ZNF655: variants seen among roughly 807,000 people sequenced by gnomAD.
The protein encoded by ZNF655 is zinc finger protein 655, also known as Vav-interacting Kruppel-like protein 1.
Under a neutral mutation model 6.6 loss-of-function variants are expected in ZNF655, and 3 were observed. The ratio of observed to expected loss-of-function variants is 0.46; its 90% CI spans 0.21 to 1.18. ZNF655 has a LOEUF of 1.18. Ranked by LOEUF, ZNF655 falls within the 50% of genes most tolerant of loss-of-function variation. The pLI, the probability that ZNF655 is intolerant of heterozygous loss-of-function variation, is 0.24. For synonymous variants in ZNF655, 178 were observed against 195.0 expected, an observed-to-expected ratio of 0.91 and a Z score of 0.73; for missense variants, 526 against 572.3, an observed-to-expected ratio of 0.92 and a Z score of 0.83.
At chr7:99,561,595 C>T (rs1251833848) in intron 2 of ZNF655, among the ~76,000 whole-genome samples, 1 of 152,192 alleles carries the variant, frequency 6.6e-6, no homozygotes, top group Non-Finnish European at 1.5e-5. Flanking sequence ...CTTTGCCCAT[C>T]TGCAAAACAG....
intron 2 of ZNF655, 140 bp from the exon 3 acceptor site, chr7:99,572,104 AT>A: frequency 1.1e-6 from 1 of 892,024 alleles, no homozygotes; most frequent in Admixed American, 3.1e-5. Flanking sequence ...TGCTGTTGAG[AT>A]TTTGTGCCTG....
At chr7:99,561,214 C>T (rs1161054061) in intron 2 of ZNF655, among the ~76,000 whole-genome samples, 2 of 152,214 alleles carry the variant, frequency 1.3e-5, no homozygotes, top group Admixed American at 6.5e-5. Flanking sequence ...TGTATATATA[C>T]TGTATTTTGA....
At chr7:99,561,027 G>A (rs1010160221) in intron 2 of ZNF655, 1 of 180,308 alleles carries the variant, frequency 5.5e-6, no homozygotes, top group East Asian at 1.5e-4. Context: ...GTCCTTTCCT[G>A]GCTCTCACTT....
At chr7:99,563,609 C>T (rs1008230622) in intron 2 of ZNF655, among the ~76,000 whole-genome samples, 3 of 152,152 alleles carry the variant, frequency 2.0e-5, no homozygotes, top group African/African-American at 7.2e-5. Context: ...TGAGCCACCG[C>T]ACCCAGCCTC....
intron 2 of ZNF655, chr7:99,571,492 C>G (rs1804065752): frequency 1.6e-6 from 2 of 1,227,078 alleles, no homozygotes; most frequent in South Asian, 3.2e-5. Context: ...ATCAACTTGC[C>G]CCTTAACACA....
At chr7:99,560,242 G>T (rs890132873) in intron 1 of ZNF655, among the ~76,000 whole-genome samples, 6 of 151,452 alleles carry the variant, frequency 4.0e-5, no homozygotes, top group Admixed American at 4.0e-4. Context: ...GCACCACCAC[G>T]CTGGCTAATT....
Position 99,572,749 on chromosome 7 carries a change from G to A in ZNF655, c.641G>A (p.Cys214Tyr). 1 of 1,613,168 alleles carries A rather than the reference G, an allele frequency of 6.2e-7. No individual in the cohort carries two copies. Among genetic ancestry groups the A allele is most frequent in the South Asian group, 1.1e-5 (1 of 91,026 alleles). ...SIPNTEKSYK[C>Y]DVCGKIFHQS... ...CCTAACACTGAGAAATCCTATAAAT[G>A]TGATGTATGTGGGAAAATTTTCCAT... Residue 214 changes from cysteine to tyrosine, a missense_variant, in exon 3 of 3, where the codon TGT (cysteine) becomes TAT (tyrosine). Transcript: ENST00000252713.
chr7:99,562,384 A>G, intron 2 of ZNF655: 1 of 1,614,122 alleles, frequency 6.2e-7, no homozygotes, highest in Non-Finnish European at 8.5e-7. Context: ...GTGACATTCG[A>G]GGATGTGGCT....
At chr7:99,566,922 A>C (rs1202053181) in intron 2 of ZNF655, among the ~76,000 whole-genome samples, 4 of 152,128 alleles carry the variant, frequency 2.6e-5, no homozygotes, top group Admixed American at 2.6e-4. Context: ...AGATTTAAAT[A>C]AAATAATTTT....
In ZNF655 at chr7:99,574,054, C is replaced by G. The variant is rs1804264644; in HGVS notation, c.*470C>G. 1 of 156,454 alleles carries G rather than the reference C, an allele frequency of 6.4e-6. No homozygotes were observed. The highest frequency in any genetic ancestry group is 1.4e-5 in the Non-Finnish European group (1 of 70,558). The allele number at this position is 156,454 out of a possible 1,614,324, so 9.7% of individuals were successfully genotyped here. ...ATTCAGTCATAACCCAACGCTCATT[C>G]AACATCAAAGAATTTATACCTAAGA... On this transcript the variant is annotated 3_prime_UTR_variant, in exon 3 of 3. Coordinates refer to ENST00000252713, the MANE Select transcript of ZNF655 (RefSeq NM_138494.3).
intron 2 of ZNF655, chr7:99,563,188 G>C (rs991929692): frequency 4.4e-6 from 2 of 455,540 alleles, no homozygotes. Context: ...ATTTTGAAAG[G>C]TACAGTGGGA....
intron 2 of ZNF655, chr7:99,562,194 G>A (rs1477882882): frequency 1.2e-6 from 1 of 831,440 alleles, no homozygotes. Flanking sequence ...ATGGTTGTGT[G>A]ATGGGTGCTT....
At chr7:99,564,596 GC>G (rs1421517354) in intron 2 of ZNF655, 3 of 985,298 alleles carry the variant, frequency 3.0e-6, no homozygotes, top group Non-Finnish European at 3.6e-6. Flanking sequence ...TTATTTCAGG[GC>G]ATCAAATTGA....
chr7:99,561,949 T>A, intron 2 of ZNF655: 1 of 1,596,374 alleles, frequency 6.3e-7, no homozygotes, highest in Non-Finnish European at 8.5e-7. Flanking sequence ...ACCAGGCAGC[T>A]GCGCTCTTGA....
intron 2 of ZNF655, among the ~76,000 whole-genome samples, chr7:99,566,031 G>T (rs1803601863): frequency 6.6e-6 from 1 of 151,622 alleles, no homozygotes; most frequent in Non-Finnish European, 1.5e-5. Flanking sequence ...ATGTGTGTGT[G>T]TGTGTGTGTG....
At chr7:99,570,247 C>T (rs922335766) in intron 2 of ZNF655, 5 of 152,124 alleles carry the variant, frequency 3.3e-5, no homozygotes, top group Non-Finnish European at 7.4e-5. Flanking sequence ...ATTCTGAGAA[C>T]AATATTGATT....
At chr7:99,560,438 C>A in intron 1 of ZNF655, 95 bp from the exon 2 acceptor site, 1 of 1,223,638 alleles carries the variant, frequency 8.2e-7, no homozygotes, top group African/African-American at 1.5e-5. Flanking sequence ...TATTGAATAT[C>A]CATAGTGTGT....
chr7:99,561,862 C>G (rs768658924), intron 2 of ZNF655: 18 of 1,442,102 alleles, frequency 1.2e-5, no homozygotes, highest in Non-Finnish European at 1.7e-5. Flanking sequence ...GCTGCTCTCA[C>G]TCTTCACTCC....
intron 2 of ZNF655, among the ~76,000 whole-genome samples, chr7:99,566,022 TG>T: frequency 1.0e-5 from 1 of 95,678 alleles, no homozygotes; most frequent in South Asian, 4.5e-4. Flanking sequence ...GACATTTATA[TG>T]TGTGTGTGTG....
Sources: gnomAD v4.1 joint callset for allele counts (sites outside exome capture counted in the v4.1 genomes callset) on GRCh38, gnomAD v4.1.1 for gene constraint, MANE v1.5 for transcripts, NCBI Gene and HGNC (gene_info 2026-07-23, HGNC 2026-07-21) for gene names.